GALNT13: variants seen among roughly 807,000 people sequenced by gnomAD.
The protein encoded by GALNT13 is polypeptide N-acetylgalactosaminyltransferase 13.
A neutral mutation model predicts 64.2 loss-of-function variants in GALNT13; 28 were observed. The observed-to-expected ratio is 0.44, with a 90% CI of 0.32 to 0.60. The LOEUF (loss-of-function observed/expected upper bound fraction) is 0.60, where lower values mean the gene tolerates loss of function less well. Ranked by LOEUF, GALNT13 falls within the 20% of genes least tolerant of loss-of-function variation. The probability of loss-of-function intolerance (pLI) is 0.05; values close to 1 mark genes in which losing one functional copy is unlikely to be tolerated. For synonymous variants in GALNT13, 214 were observed against 224.6 expected (o/e 0.95, Z 0.42); for missense variants, 577 against 669.8 (o/e 0.86, Z 1.53).
At chr2:154,384,948 A>G (rs1056383994) in intron 9 of GALNT13, among the ~76,000 whole-genome samples, 12 of 151,996 alleles carry the variant, frequency 7.9e-5, no homozygotes, top group African/African-American at 2.9e-4. Flanking sequence ...GGCCATAATT[A>G]TCTACTGAAA....
chr2:153,525,334 A>T, the GALNT13 span, among the ~76,000 whole-genome samples: 18,976 of 152,226 alleles, frequency 0.12, 1,295 homozygotes, highest in African/African-American at 0.18. Flanking sequence ...GTGGTGGCTA[A>T]GGGGCAAAAC....
intron 1 of GALNT13, among the ~76,000 whole-genome samples, chr2:153,899,935 A>ATATAT (rs1292303932): frequency 8.1e-5 from 8 of 98,170 alleles, no homozygotes; most frequent in Admixed American, 6.5e-4. Context: ...ATATATATAT[A>ATATAT]TTTTTTTTTT....
At chr2:153,648,767 T>A in the GALNT13 span, among the ~76,000 whole-genome samples, 1 of 146,280 alleles carries the variant, frequency 6.8e-6, no homozygotes, top group South Asian at 2.1e-4. Context: ...CTGGATTACG[T>A]TTATTGATTT....
chr2:154,271,303 G>A (rs2059334), intron 8 of GALNT13, among the ~76,000 whole-genome samples: 150,564 of 152,086 alleles, frequency 0.99, 74,547 homozygotes, highest in East Asian at 1. Flanking sequence ...ATTACTGGCT[G>A]CAATGAAATA....
the GALNT13 span, among the ~76,000 whole-genome samples, chr2:153,297,543 G>A: frequency 6.6e-6 from 1 of 152,152 alleles, no homozygotes; most frequent in Non-Finnish European, 1.5e-5. Flanking sequence ...TTAGAGACAT[G>A]CAGTAAAAAT....
intron 2 of GALNT13, among the ~76,000 whole-genome samples, chr2:153,930,003 A>G (rs1189172956): frequency 6.6e-6 from 1 of 152,074 alleles, no homozygotes; most frequent in Non-Finnish European, 1.5e-5. Context: ...CAATTTTGCC[A>G]GCCTCTGTTA....
the GALNT13 span, among the ~76,000 whole-genome samples, chr2:153,435,253 A>G: frequency 6.6e-6 from 1 of 152,290 alleles, no homozygotes; most frequent in African/African-American, 2.4e-5. Flanking sequence ...GTTTGAAGTC[A>G]GGTAGCGTGA....
At chr2:153,152,950 C>G in the GALNT13 span, among the ~76,000 whole-genome samples, 4 of 151,946 alleles carry the variant, frequency 2.6e-5, no homozygotes, top group Admixed American at 2.6e-4. Flanking sequence ...AGTCAAATGG[C>G]ATTTCTATCT....
the GALNT13 span, among the ~76,000 whole-genome samples, chr2:153,269,519 A>C: frequency 6.6e-6 from 1 of 152,122 alleles, no homozygotes; most frequent in African/African-American, 2.4e-5. Flanking sequence ...GGAAAATCCA[A>C]ACTTTCCCAC....
the GALNT13 span, among the ~76,000 whole-genome samples, chr2:153,138,521 C>G: frequency 6.6e-6 from 1 of 151,832 alleles, no homozygotes; most frequent in Non-Finnish European, 1.5e-5. Flanking sequence ...ACAATATCAT[C>G]GATGTTTTTA....
the GALNT13 span, among the ~76,000 whole-genome samples, chr2:153,314,784 AG>A: frequency 1.3e-5 from 2 of 152,126 alleles, no homozygotes; most frequent in Non-Finnish European, 2.9e-5. Context: ...CAGTGCTTAG[AG>A]GGAAATTTAT....
chr2:153,129,137 T>C, the GALNT13 span, among the ~76,000 whole-genome samples: 1 of 152,206 alleles, frequency 6.6e-6, no homozygotes, highest in Non-Finnish European at 1.5e-5. Flanking sequence ...TGCATAGTCA[T>C]TTCTTGCATC....
At chr2:153,832,732 C>T in the GALNT13 span, among the ~76,000 whole-genome samples, 1 of 151,998 alleles carries the variant, frequency 6.6e-6, no homozygotes, top group African/African-American at 2.4e-5. Context: ...ATTTTGGGTA[C>T]CTAGTTATGT....
chr2:154,166,622 A>G (rs986894201), intron 4 of GALNT13, among the ~76,000 whole-genome samples: 3 of 152,228 alleles, frequency 2.0e-5, no homozygotes, highest in African/African-American at 7.2e-5. Context: ...CCATCCCATT[A>G]CTGGGTATAT....
At chr2:153,800,125 T>C in the GALNT13 span, among the ~76,000 whole-genome samples, 1 of 145,782 alleles carries the variant, frequency 6.9e-6, no homozygotes, top group Admixed American at 6.9e-5. Flanking sequence ...CTCAGAGAAA[T>C]TGCAGGTTTG....
chr2:154,353,665 A>G (rs1024416118), intron 9 of GALNT13, among the ~76,000 whole-genome samples: 64 of 151,956 alleles, frequency 4.2e-4, no homozygotes, highest in African/African-American at 1.2e-3. Flanking sequence ...ATCATGCAAC[A>G]TTTTTTCTTT....
intron 3 of GALNT13, among the ~76,000 whole-genome samples, chr2:154,049,629 T>G (rs1388361049): frequency 6.6e-6 from 1 of 151,250 alleles, no homozygotes; most frequent in East Asian, 1.9e-4. Flanking sequence ...TAGCTCTCTT[T>G]CTCCACTAAA....
chr2:153,138,918 A>G, the GALNT13 span, among the ~76,000 whole-genome samples: 13 of 152,092 alleles, frequency 8.5e-5, no homozygotes, highest in East Asian at 3.9e-4. Context: ...AGATCCCTCA[A>G]TCTTCTCTTT....
At chr2:154,037,657 AGTT>A (rs1698738863) in intron 3 of GALNT13, among the ~76,000 whole-genome samples, 1 of 152,212 alleles carries the variant, frequency 6.6e-6, no homozygotes, top group African/African-American at 2.4e-5. Context: ...AATTCAGTAA[AGTT>A]GTAGGATACA....
Sources: gnomAD v4.1 joint callset for allele counts (sites outside exome capture counted in the v4.1 genomes callset) on GRCh38, gnomAD v4.1.1 for gene constraint, MANE v1.5 for transcripts, NCBI Gene and HGNC (gene_info 2026-07-23, HGNC 2026-07-21) for gene names.